Variants in DGAT2 observed in about 807,000 individuals in gnomAD.
The protein encoded by DGAT2 is diacylglycerol O-acyltransferase 2.
In DGAT2, 33 loss-of-function variants were observed where a neutral mutation model predicts 48.4. The ratio of observed to expected loss-of-function variants is 0.68; its 90% CI spans 0.52 to 0.91. The LOEUF is 0.91. Ranked by LOEUF, DGAT2 falls within the 40% of genes least tolerant of loss-of-function variation. DGAT2 has a pLI of 0.00. For missense variants in DGAT2, 446 were observed against 493.7 expected, an observed-to-expected ratio of 0.90 and a Z score of 0.92; for synonymous variants, 191 against 194.1, an observed-to-expected ratio of 0.98 and a Z score of 0.13.
chr11:75,773,398 G>A (rs1944776149), intron 1 of DGAT2, among the ~76,000 whole-genome samples: 1 of 152,206 alleles, frequency 6.6e-6, no homozygotes, highest in African/African-American at 2.4e-5. Flanking sequence ...CGAGAGCTGG[G>A]GTTCCAGGCC....
At chr11:75,793,040 A>G (rs1475857946) in intron 4 of DGAT2, 1 of 152,246 alleles carries the variant, frequency 6.6e-6, no homozygotes, top group Non-Finnish European at 1.5e-5. Flanking sequence ...GGACAAGCCT[A>G]TCTGAGCACC....
At chr11:75,791,561 C>T (rs1056773622) in intron 4 of DGAT2, among the ~76,000 whole-genome samples, 5 of 152,210 alleles carry the variant, frequency 3.3e-5, no homozygotes, top group African/African-American at 1.2e-4. Flanking sequence ...CTTGTCCAGG[C>T]TGCATAGTCT....
chr11:75,784,857 C>T lies in DGAT2; in HGVS notation c.250+111C>T, dbSNP rs143481281. The T allele has an allele frequency of 7.8e-3, 11,184 of 1,441,742 alleles. 51 individuals are homozygous for T. Among genetic ancestry groups the T allele is most frequent in the Non-Finnish European group, 8.8e-3 (9,309 of 1,053,422 alleles). 89.3% of individuals were successfully genotyped at this position (1,441,742 alleles called of 1,614,324 possible). A position where few individuals can be genotyped will look rare whatever the true frequency, so the allele number is the denominator to read the frequency against. On this transcript the variant is annotated intron_variant, in intron 2 of 7. Transcript: ENST00000228027. ...GGTGAGGGAATAAGAGTAACTCTTA[C>T]ACATGCTGCCCCACAGCACCTTTCC...
intron 1 of DGAT2, chr11:75,784,374 C>T: frequency 2.6e-6 from 1 of 390,992 alleles, no homozygotes; most frequent in Non-Finnish European, 4.7e-6. Context: ...TCCAAAATGA[C>T]CCCGAGTGCG....
chr11:75,798,134 G>T, intron 6 of DGAT2, 93 bp from the exon 7 acceptor site: 1 of 1,304,180 alleles, frequency 7.7e-7, no homozygotes, highest in Non-Finnish European at 1.1e-6. Flanking sequence ...GCTGGGGGAG[G>T]GGGATGCTTG....
chr11:75,770,882 G>C (rs1944750325), intron 1 of DGAT2, among the ~76,000 whole-genome samples: 1 of 152,146 alleles, frequency 6.6e-6, no homozygotes, highest in African/African-American at 2.4e-5. Flanking sequence ...AGTCAGTTCA[G>C]CTTTCTGGGA....
chr11:75,797,399 G>A (rs1945069203), intron 6 of DGAT2, 67 bp downstream of exon 6: 2 of 1,360,038 alleles, frequency 1.5e-6, no homozygotes, highest in Admixed American at 2.9e-5. Flanking sequence ...CAGACTCCTT[G>A]GCCCCTGAAG....
At chr11:75,800,074 A>G (rs1565321381) in intron 7 of DGAT2, among the ~76,000 whole-genome samples, 1 of 152,024 alleles carries the variant, frequency 6.6e-6, no homozygotes, top group Non-Finnish European at 1.5e-5. Flanking sequence ...TGATCCCCTG[A>G]CTCTCATAGA....
chr11:75,798,907 G>A (rs953324569), intron 7 of DGAT2, among the ~76,000 whole-genome samples: 4 of 152,128 alleles, frequency 2.6e-5, no homozygotes, highest in Non-Finnish European at 4.4e-5. Context: ...TTTTTTTGAA[G>A]AACAGAAAGA....
chr11:75,797,984 C>T (rs773015131), intron 6 of DGAT2, among the ~76,000 whole-genome samples: 3 of 152,204 alleles, frequency 2.0e-5, no homozygotes, highest in African/African-American at 7.2e-5. Flanking sequence ...CAGAGCAGGG[C>T]GCTCAGCCTT....
At chr11:75,782,238 A>G (rs1160596410) in intron 1 of DGAT2, among the ~76,000 whole-genome samples, 2 of 152,110 alleles carry the variant, frequency 1.3e-5, no homozygotes. Flanking sequence ...AAGCATTTAT[A>G]GTGGTGTTTC....
At position 75,769,045 on chromosome 11, in the gene DGAT2, C is replaced by T; in HGVS notation, c.54C>T (p.Ala18=). Residue 18 remains alanine (A), a synonymous_variant, in exon 1 of 8, where the codon GCC becomes GCT. Transcript: ENST00000228027. ...YSGVLRGERQ[A]EADRSQRSHG... is the part of the protein sequence containing the mutation. ...GGGTCCTGCGCGGCGAGCGTCAGGC[C>T]GAGGCTGACCGGAGCCAGCGCTCTC... 1 of 1,579,906 alleles carries T rather than the reference C, an allele frequency of 6.3e-7. No homozygotes were observed. The highest frequency in any genetic ancestry group is 8.6e-7 in the Non-Finnish European group (1 of 1,165,992).
intron 1 of DGAT2, chr11:75,784,378 G>T: frequency 2.5e-6 from 1 of 398,016 alleles, no homozygotes; most frequent in Admixed American, 3.8e-5. Context: ...AAATGACCCC[G>T]AGTGCGATAC....
intron 1 of DGAT2, among the ~76,000 whole-genome samples, chr11:75,782,048 T>C (rs1459678095): frequency 1.3e-5 from 2 of 152,242 alleles, no homozygotes; most frequent in South Asian, 2.1e-4. Context: ...GCTAGATAAG[T>C]TGACTCCCAG....
intron 6 of DGAT2, among the ~76,000 whole-genome samples, chr11:75,797,534 C>G (rs988924046): frequency 6.6e-6 from 1 of 152,218 alleles, no homozygotes; most frequent in African/African-American, 2.4e-5. Context: ...GGCACAGATG[C>G]AACCTGTGGC....
chr11:75,784,546 T>G (rs1590869241), intron 1 of DGAT2, 72 bp from the exon 2 acceptor site: 119 of 1,574,202 alleles, frequency 7.6e-5, no homozygotes, highest in Non-Finnish European at 9.2e-5. Context: ...CTGTGGGAGG[T>G]GAGGTTTGTA....
Position 75,769,018 on chromosome 11 carries a change from CG to C in DGAT2, c.31del (p.Val11SerfsTer135). The C allele has an allele frequency of 1.3e-6, 2 of 1,575,636 alleles. No individual in the cohort carries two copies. The highest frequency in any genetic ancestry group is 8.6e-7 in the Non-Finnish European group (1 of 1,163,488). On this transcript the variant is annotated frameshift_variant, in exon 1 of 8. Coordinates refer to ENST00000228027, the MANE Select transcript of DGAT2 (RefSeq NM_032564.5). LOFTEE classifies it high-confidence loss of function. ...TGAAGACCCTCATAGCCGCCTACTC[CG>C]GGGTCCTGCGCGGCGAGCGTCAGGC... The part of the protein sequence containing the change: MKTLIAAYS[G>X]VLRGERQAEA...
Position 75,797,230 on chromosome 11 carries a change from T to C in DGAT2, c.707T>C (p.Ile236Thr). 1 of 1,581,736 alleles carries C rather than the reference T, an allele frequency of 6.3e-7. No individual in the cohort carries two copies. The highest frequency in any genetic ancestry group is 1.1e-5 in the South Asian group (1 of 86,966). ...SKNGSGNAII[I>T]VVGGAAESLS... ...AATGGGAGTGGCAATGCTATCATCA[T>C]CGTGGTCGGGGGTGCGGCTGAGTCT... Residue 236 changes from isoleucine (I) to threonine (T), a missense_variant, in exon 6 of 8, where the codon ATC becomes ACC. Coordinates refer to ENST00000228027, the MANE Select transcript of DGAT2 (RefSeq NM_032564.5).
At chr11:75,770,141 A>G (rs556108116) in intron 1 of DGAT2, among the ~76,000 whole-genome samples, 1 of 152,320 alleles carries the variant, frequency 6.6e-6, no homozygotes, top group East Asian at 1.9e-4. Context: ...CATAGATACA[A>G]TTGAGGACAT....
Sources: gnomAD v4.1 joint callset for allele counts (sites outside exome capture counted in the v4.1 genomes callset) on GRCh38, gnomAD v4.1.1 for gene constraint, MANE v1.5 for transcripts, NCBI Gene and HGNC (gene_info 2026-07-23, HGNC 2026-07-21) for gene names.